Variants in STIM1 observed in about 807,000 individuals in gnomAD.
The protein encoded by STIM1 is stromal interaction molecule 1.
A neutral mutation model predicts 74.7 loss-of-function variants in STIM1; 25 were observed. The ratio of observed to expected loss-of-function variants is 0.33; its 90% CI spans 0.24 to 0.47. STIM1 has a LOEUF of 0.47. Ranked by LOEUF, STIM1 falls within the 20% of genes least tolerant of loss-of-function variation. STIM1 has a pLI of 1.00. For missense variants in STIM1, 728 were observed against 920.8 expected, an observed-to-expected ratio of 0.79 and a Z score of 2.71; for synonymous variants, 328 against 348.8, an observed-to-expected ratio of 0.94 and a Z score of 0.66.
At position 3,932,656 on chromosome 11, in the gene STIM1, T is replaced by A. The variant is rs569966711; in HGVS notation, c.140-34896T>A. On this transcript the variant is annotated intron_variant, in intron 1 of 12. Transcript: ENST00000526596. ...CAGCCTGGGCAAGAGTGCAAGACTC[T>A]GTCTCAAAGGAAAAAAAAAAAAAAA... Among the ~76,000 whole-genome samples the A allele has an allele frequency of 3.0e-5, 4 of 133,614 alleles. No individual in the cohort carries two copies. The South Asian group carries it at 1.0e-3, about 34-fold the overall frequency. The allele number at this position is 133,614 out of a possible 152,430, so 87.7% of individuals were successfully genotyped here.
intron 1 of STIM1, among the ~76,000 whole-genome samples, chr11:3,915,400 AT>A (rs34874358): frequency 5.7e-4 from 82 of 143,284 alleles, no homozygotes; most frequent in East Asian, 6.2e-4. Context: ...CTAGTTTTTA[AT>A]TTTTTTTTTT....
At chr11:3,911,520 G>C (rs1057390835) in intron 1 of STIM1, among the ~76,000 whole-genome samples, 1 of 152,062 alleles carries the variant, frequency 6.6e-6, no homozygotes, top group African/African-American at 2.4e-5. Flanking sequence ...GAGTAGCTCG[G>C]ACTACAGGCA....
chr11:3,894,411 G>C (rs2091993088), intron 1 of STIM1, among the ~76,000 whole-genome samples: 1 of 152,114 alleles, frequency 6.6e-6, no homozygotes, highest in African/African-American at 2.4e-5. Flanking sequence ...GGGTGGAGTG[G>C]GGGGTTCTGC....
intron 7 of STIM1, among the ~76,000 whole-genome samples, chr11:4,076,659 T>C (rs1353606966): frequency 6.6e-6 from 1 of 151,768 alleles, no homozygotes; most frequent in Non-Finnish European, 1.5e-5. Context: ...GTATGTGATA[T>C]GAGGTAGGCT....
intron 1 of STIM1, among the ~76,000 whole-genome samples, chr11:3,930,032 A>T (rs143770161): frequency 6.6e-6 from 1 of 152,298 alleles, no homozygotes; most frequent in African/African-American, 2.4e-5. Context: ...TTAGGAGGTA[A>T]TGCAGGCCCA....
intron 2 of STIM1, among the ~76,000 whole-genome samples, chr11:3,986,369 T>C (rs1160229352): frequency 2.6e-5 from 4 of 152,166 alleles, no homozygotes; most frequent in Non-Finnish European, 1.5e-5. Flanking sequence ...ACAAGTATGA[T>C]GTCCTTGGGA....
chr11:3,965,673 T>G (rs1483900032), intron 1 of STIM1, among the ~76,000 whole-genome samples: 2 of 152,230 alleles, frequency 1.3e-5, no homozygotes, highest in Non-Finnish European at 2.9e-5. Flanking sequence ...AGATATTTCT[T>G]TTTGTATGCA....
At chr11:4,055,028 C>A (rs947778561) in intron 3 of STIM1, among the ~76,000 whole-genome samples, 2 of 152,132 alleles carry the variant, frequency 1.3e-5, no homozygotes, top group Non-Finnish European at 2.9e-5. Flanking sequence ...TAAGTAGTCC[C>A]CTTATGAATG....
chr11:3,885,677 T>C (rs549898387), intron 1 of STIM1, among the ~76,000 whole-genome samples: 41 of 152,216 alleles, frequency 2.7e-4, no homozygotes, highest in Admixed American at 5.2e-4. Context: ...CTCTGTTGTA[T>C]AGGAGGCTGA....
rs543295502 is a variant in STIM1 at position 3,974,492 on chromosome 11, A to G, written c.270+6810A>G. 1.0e-3 allele frequency among the ~76,000 whole-genome samples: 152 copies of G among 149,942 alleles called. 1 individual carries two copies. Among genetic ancestry groups the G allele is most frequent in the African/African-American group, 3.6e-3 (146 of 40,732 alleles). On this transcript the variant is annotated intron_variant, in intron 2 of 12. Transcript: ENST00000526596. Reference sequence around the variant, plus strand: ...GGAGTTCAAGACCAGCCTGGACAACATAGGGAGACTCTATCTCTACCAAAA... The same window carrying G: ...GGAGTTCAAGACCAGCCTGGACAACGTAGGGAGACTCTATCTCTACCAAAA...
chr11:4,050,283 G>C (rs954500339), intron 3 of STIM1, among the ~76,000 whole-genome samples: 14 of 152,202 alleles, frequency 9.2e-5, no homozygotes, highest in Admixed American at 6.5e-5. Flanking sequence ...CTGAGAGCAA[G>C]GGAGGAGTGG....
intron 2 of STIM1, among the ~76,000 whole-genome samples, chr11:4,021,543 G>A (rs558473852): frequency 6.6e-6 from 1 of 152,302 alleles, no homozygotes; most frequent in East Asian, 1.9e-4. Context: ...TCTTTTCCAT[G>A]TCTGTTTTTA....
intron 3 of STIM1, among the ~76,000 whole-genome samples, chr11:4,032,237 G>A (rs995868681): frequency 6.6e-6 from 1 of 152,166 alleles, no homozygotes; most frequent in Non-Finnish European, 1.5e-5. Flanking sequence ...AGGTGGCTGA[G>A]GTGGGGTGGG....
intron 1 of STIM1, among the ~76,000 whole-genome samples, chr11:3,965,328 C>T (rs1039364156): frequency 2.0e-5 from 3 of 152,186 alleles, no homozygotes; most frequent in Admixed American, 1.3e-4. Flanking sequence ...TCCTTTCTAT[C>T]ATGGCACTTA....
intron 2 of STIM1, among the ~76,000 whole-genome samples, 197 bp downstream of exon 2, chr11:3,967,879 T>C (rs1009890146): frequency 2.0e-5 from 3 of 152,198 alleles, no homozygotes; most frequent in Admixed American, 2.0e-4. Context: ...GGCTTTATGC[T>C]TGTGTCTGTG....
chr11:4,062,961 C>T (rs2920140), intron 5 of STIM1, among the ~76,000 whole-genome samples: 119,848 of 152,092 alleles, frequency 0.79, 50,197 homozygotes, highest in East Asian at 0.95. Flanking sequence ...TGCTACAATG[C>T]GGATGAACCT....
chr11:4,048,274 A>G (rs1261697019), intron 3 of STIM1, among the ~76,000 whole-genome samples: 1 of 152,242 alleles, frequency 6.6e-6, no homozygotes, highest in Non-Finnish European at 1.5e-5. Context: ...TTTAAGGTAA[A>G]TAATACATCT....
At chr11:4,076,567 C>G (rs552508994) in intron 7 of STIM1, among the ~76,000 whole-genome samples, 3 of 150,760 alleles carry the variant, frequency 2.0e-5, no homozygotes, top group Non-Finnish European at 4.4e-5. Context: ...TTCCCTATCC[C>G]CAAGATATTT....
chr11:4,018,265 A>C (rs2093918353), intron 2 of STIM1, among the ~76,000 whole-genome samples: 1 of 150,670 alleles, frequency 6.6e-6, no homozygotes, highest in Non-Finnish European at 1.5e-5. Flanking sequence ...CTGGCTAACA[A>C]GGTGAAACCC....
Sources: gnomAD v4.1 joint callset for allele counts (sites outside exome capture counted in the v4.1 genomes callset) on GRCh38, gnomAD v4.1.1 for gene constraint, MANE v1.5 for transcripts, NCBI Gene and HGNC (gene_info 2026-07-23, HGNC 2026-07-21) for gene names.